Variants in SARM1 observed in about 807,000 individuals in gnomAD.
SARM1 encodes NAD(+) hydrolase SARM1.
A neutral mutation model predicts 65.1 loss-of-function variants in SARM1; 60 were observed. The observed-to-expected ratio is 0.92, with a 90% CI of 0.75 to 1.14. SARM1 has a LOEUF of 1.14. SARM1 is among the 50% of genes most tolerant of loss of function. The pLI, the probability that SARM1 is intolerant of heterozygous loss-of-function variation, is 0.00. For synonymous variants in SARM1, 417 were observed against 465.4 expected, an observed-to-expected ratio of 0.90 and a Z score of 1.34; for missense variants, 913 against 1,015.7, an observed-to-expected ratio of 0.90 and a Z score of 1.37.
rs1449710281 is a variant in SARM1, at chr17:28,402,870, C to G, written c.*6584C>G. On this transcript the variant is annotated 3_prime_UTR_variant, in exon 9 of 9. Transcript: ENST00000585482. ...ACCTTATTTGGAAAATGAGTCTATG[C>G]AGGTGTGCAGTTAAGCCTCCTGAGA... is the stretch of plus-strand genomic sequence containing the variant. 6.6e-6 allele frequency: 1 copy of G among 152,584 alleles called. No individual in the cohort carries two copies. The highest frequency in any genetic ancestry group is 6.5e-5 in the Admixed American group (1 of 15,366). 9.5% of individuals were successfully genotyped at this position (152,584 alleles called of 1,614,324 possible).
intron 7 of SARM1, chr17:28,395,320 A>G (rs1597825290): frequency 6.5e-6 from 1 of 152,836 alleles, no homozygotes; most frequent in Non-Finnish European, 1.5e-5. Context: ...GAAGAGATAC[A>G]TAGGATCTCT....
Position 28,384,497 on chromosome 17 carries a change from C to T in SARM1, c.1230C>T (p.Pro410=), listed in dbSNP as rs2068039611. The T allele has an allele frequency of 6.2e-7, 1 of 1,613,580 alleles. No homozygotes were observed. The highest frequency in any genetic ancestry group is 1.1e-5 in the South Asian group (1 of 91,060). Residue 410 remains proline, a synonymous_variant, in exon 3 of 9, where the codon CCC becomes CCT. Coordinates refer to ENST00000585482, the MANE Select transcript of SARM1 (RefSeq NM_015077.4). The surrounding 1 kb of genome is among the most constrained non-coding windows in gnomAD (Gnocchi z 4.4). The part of the protein sequence containing the change: ...EVPRPILPSV[P]SWKEAEVQTW... ...CACGGCCCATCCTGCCCTCCGTGCC[C>T]AGCTGGAAGGAGGCCGAGGTTCAGA...
At chr17:28,383,705 C>T (rs1398681224) in intron 2 of SARM1, among the ~76,000 whole-genome samples, 1 of 152,182 alleles carries the variant, frequency 6.6e-6, no homozygotes, top group East Asian at 1.9e-4. Flanking sequence ...CCAGTAGTGA[C>T]TAAGACATGT....
chr17:28,402,523 C>T lies in SARM1; in HGVS notation c.*6237C>T, dbSNP rs1171857253. The T allele has an allele frequency of 9.8e-6, 5 of 508,458 alleles. No homozygotes were observed. Among genetic ancestry groups the T allele is most frequent in the African/African-American group, 7.7e-5 (4 of 52,158 alleles). 31.5% of individuals were successfully genotyped at this position (508,458 alleles called of 1,614,324 possible). The stretch of plus-strand genomic sequence containing the variant: ...CTGGGCTTGGCCACCTGCTAGCTCT[C>T]ATGAATGAATGCTAATTCCCATTGA... On this transcript the variant is annotated 3_prime_UTR_variant, in exon 9 of 9. Coordinates refer to ENST00000585482, the MANE Select transcript of SARM1 (RefSeq NM_015077.4).
rs1043211623 is a variant in SARM1, at chr17:28,403,319, C to T, written c.*7033C>T. Reference sequence around the variant, plus strand: ...CTATGAAGAGCATGGCATAGGGACACAGCAAATGGGAGTTCCTTTTCCCTT... The same window carrying T: ...CTATGAAGAGCATGGCATAGGGACATAGCAAATGGGAGTTCCTTTTCCCTT... On this transcript the variant is annotated 3_prime_UTR_variant, in exon 9 of 9. Transcript: ENST00000585482. 6.6e-6 allele frequency: 1 copy of T among 152,240 alleles called. No individual in the cohort carries two copies. The highest frequency in any genetic ancestry group is 6.5e-5 in the Admixed American group (1 of 15,276). The allele number at this position is 152,240 out of a possible 1,614,324, so 9.4% of individuals were successfully genotyped here.
intron 1 of SARM1, among the ~76,000 whole-genome samples, chr17:28,377,986 C>T (rs1362626581): frequency 3.3e-5 from 5 of 152,248 alleles, no homozygotes; most frequent in African/African-American, 1.2e-4. Context: ...GCATGAGCCA[C>T]TGCGCCCGGC....
intron 1 of SARM1, among the ~76,000 whole-genome samples, chr17:28,375,007 G>T (rs2067981169): frequency 6.8e-6 from 1 of 146,524 alleles, no homozygotes; most frequent in African/African-American, 2.5e-5. Context: ...AATTCCATCA[G>T]TGTGCCTACC....
At position 28,377,720 on chromosome 17, in the gene SARM1, C is replaced by T. The variant is rs564552351; in HGVS notation, c.471-3483C>T. Among the ~76,000 whole-genome samples the T allele has an allele frequency of 6.5e-4, 99 of 151,912 alleles. 1 individual carries two copies. The highest frequency in any genetic ancestry group is 1.8e-3 in the African/African-American group (75 of 41,424). On this transcript the variant is annotated intron_variant, in intron 1 of 8. Coordinates refer to ENST00000585482, the MANE Select transcript of SARM1 (RefSeq NM_015077.4). ...GAGGACATCACTTTTTTTTTTTAGA[C>T]GGAGTCTCACTGTGTCACCCAGGCT...
At position 28,384,444 on chromosome 17, in the gene SARM1, G is replaced by A. The variant is rs782190284; in HGVS notation, c.1177G>A (p.Ala393Thr). The A allele has an allele frequency of 1.2e-6, 2 of 1,613,266 alleles. No homozygotes were observed. Among genetic ancestry groups the A allele is most frequent in the African/African-American group, 2.7e-5 (2 of 74,954 alleles). ...NGTKSALAKR[A>T]LRLLGEEVPR... ...CACTAAGTCGGCGCTGGCCAAGCGC[G>A]CGCTGCGCCTGCTGGGCGAGGAGGT... The change falls in exon 3 of 9, where the codon GCG (alanine) becomes ACG (threonine). Residue 393 changes from alanine (A) to threonine (T), a missense_variant. By Grantham distance (58) the Ala-to-Thr change is moderately conservative (BLOSUM62 0). Transcript: ENST00000585482. This position sits in a 1 kb window ranked among gnomAD's most constrained non-coding sequence, Gnocchi z 4.4.
In SARM1 at chr17:28,401,219, T is replaced by C. The variant is rs1555589582; in HGVS notation, c.*4933T>C. On this transcript the variant is annotated 3_prime_UTR_variant, in exon 9 of 9. Transcript: ENST00000585482. ...TTTGGGTTCCTGTTCCTCCTTCTGC[T>C]AAATAAGGATAATACCTATTTCCTA... 1 of 203,042 alleles carries C rather than the reference T, an allele frequency of 4.9e-6. No individual in the cohort carries two copies. The highest frequency in any genetic ancestry group is 1.0e-5 in the Non-Finnish European group (1 of 97,892). The allele number at this position is 203,042 out of a possible 1,614,324, so 12.6% of individuals were successfully genotyped here. A position where few individuals can be genotyped will look rare whatever the true frequency, so the allele number is the denominator to read the frequency against.
Position 28,372,806 on chromosome 17 carries a change from C to A in SARM1, c.470+304C>A, listed in dbSNP as rs1597814129. On this transcript the variant is annotated intron_variant, in intron 1 of 8. Coordinates refer to ENST00000585482, the MANE Select transcript of SARM1 (RefSeq NM_015077.4). This position sits in a 1 kb window ranked among gnomAD's most constrained non-coding sequence, Gnocchi z 5.2. ...TATGGATGGAGATGGCATCCTATTGCCAATTCTCCCTCTCCCCCGCCCCCC... is the reference window on the plus strand; with the variant it reads ...TATGGATGGAGATGGCATCCTATTGACAATTCTCCCTCTCCCCCGCCCCCC... Among the ~76,000 whole-genome samples, 1 of 152,272 alleles carries A rather than the reference C, an allele frequency of 6.6e-6. No individual in the cohort carries two copies. The highest frequency in any genetic ancestry group is 1.9e-4 in the East Asian group (1 of 5,168).
At position 28,400,588 on chromosome 17, in the gene SARM1, T is replaced by C. The variant is rs2068183362; in HGVS notation, c.*4302T>C. The C allele has an allele frequency of 3.7e-6, 6 of 1,612,932 alleles. No homozygotes were observed. The highest frequency in any genetic ancestry group is 2.7e-5 in the African/African-American group (2 of 74,854). ...AAGAGAAAGGGCTCCATTATGAGCATGGGTTCAGGGCCCTGCATTACCCAA... is the reference window on the plus strand; with the variant it reads ...AAGAGAAAGGGCTCCATTATGAGCACGGGTTCAGGGCCCTGCATTACCCAA... On this transcript the variant is annotated 3_prime_UTR_variant, in exon 9 of 9. Coordinates refer to ENST00000585482, the MANE Select transcript of SARM1 (RefSeq NM_015077.4).
At chr17:28,394,505 A>G (rs2068098272) in intron 7 of SARM1, among the ~76,000 whole-genome samples, 1 of 152,240 alleles carries the variant, frequency 6.6e-6, no homozygotes, top group African/African-American at 2.4e-5. Context: ...CCGCAATTCA[A>G]TTCAATTCTG....
chr17:28,400,573 G>T lies in SARM1; in HGVS notation c.*4287G>T. ...GAAGAGGAAACTTTTAAGAGAAAGG[G>T]CTCCATTATGAGCATGGGTTCAGGG... On this transcript the variant is annotated 3_prime_UTR_variant, in exon 9 of 9. Coordinates refer to ENST00000585482, the MANE Select transcript of SARM1 (RefSeq NM_015077.4). 1 of 1,610,286 alleles carries T rather than the reference G, an allele frequency of 6.2e-7. No homozygotes were observed. The highest frequency in any genetic ancestry group is 1.7e-5 in the Admixed American group (1 of 59,706).
chr17:28,394,112 G>A (rs1044019268), intron 7 of SARM1, among the ~76,000 whole-genome samples: 1 of 152,258 alleles, frequency 6.6e-6, no homozygotes, highest in East Asian at 1.9e-4. Flanking sequence ...CCACATGAAG[G>A]AGTTTGGACT....
chr17:28,391,372 G>C (rs751535574), intron 7 of SARM1, among the ~76,000 whole-genome samples: 3 of 152,204 alleles, frequency 2.0e-5, no homozygotes, highest in Non-Finnish European at 2.9e-5. Context: ...TAAAGCACTG[G>C]AAATCAAGGA....
intron 7 of SARM1, among the ~76,000 whole-genome samples, chr17:28,393,662 C>T (rs1374152925): frequency 6.6e-6 from 1 of 152,150 alleles, no homozygotes; most frequent in African/African-American, 2.4e-5. Flanking sequence ...TCAGTGCAAA[C>T]CCCGATTTGA....
chr17:28,399,769 T>C lies in SARM1; in HGVS notation c.*3483T>C. On this transcript the variant is annotated 3_prime_UTR_variant, in exon 9 of 9. Transcript: ENST00000585482. ...TCATGTGGGGAACCCTCAAGGCCTG[T>C]CTGGAGAAGTGACACAGGATTTACT... 1 of 1,589,406 alleles carries C rather than the reference T, an allele frequency of 6.3e-7. No homozygotes were observed.
Position 28,403,319 on chromosome 17 carries a change from C to G in SARM1, c.*7033C>G, listed in dbSNP as rs1043211623. Reference sequence around the variant, plus strand: ...CTATGAAGAGCATGGCATAGGGACACAGCAAATGGGAGTTCCTTTTCCCTT... The same window carrying G: ...CTATGAAGAGCATGGCATAGGGACAGAGCAAATGGGAGTTCCTTTTCCCTT... On this transcript the variant is annotated 3_prime_UTR_variant, in exon 9 of 9. Coordinates refer to ENST00000585482, the MANE Select transcript of SARM1 (RefSeq NM_015077.4). 1.3e-5 allele frequency: 2 copies of G among 152,240 alleles called. No homozygotes were observed. The highest frequency in any genetic ancestry group is 2.1e-4 in the South Asian group (1 of 4,834). 9.4% of individuals were successfully genotyped at this position (152,240 alleles called of 1,614,324 possible). A position where few individuals can be genotyped will look rare whatever the true frequency, so the allele number is the denominator to read the frequency against.
Sources: gnomAD v4.1 joint callset for allele counts (sites outside exome capture counted in the v4.1 genomes callset) on GRCh38, gnomAD v4.1.1 for gene constraint, Gnocchi (gnomAD v3.1) non-coding constraint, MANE v1.5 for transcripts, NCBI Gene and HGNC (gene_info 2026-07-23, HGNC 2026-07-21) for gene names.